Variants in RAC2 observed in about 807,000 individuals in gnomAD.
RAC2 encodes the protein ras-related C3 botulinum toxin substrate 2.
Under a neutral mutation model 24.0 loss-of-function variants are expected in RAC2, and 1 was observed. The ratio of observed to expected loss-of-function variants is 0.04; its 90% confidence interval spans 0.01 to 0.20. The LOEUF is 0.20. Ranked by LOEUF, RAC2 falls within the 10% of genes least tolerant of loss-of-function variation. RAC2 has a pLI of 1.00. For synonymous variants in RAC2, 114 were observed against 106.8 expected (o/e 1.07, Z -0.41); for missense variants, 130 against 259.1 (o/e 0.50, Z 3.42).
At chr22:37,226,850 G>GTGC (rs763809527) in intron 5 of RAC2, 47 bp from the exon 6 acceptor site, 218,867 of 1,597,650 alleles carry the variant, frequency 0.14, 16,574 homozygotes, top group East Asian at 0.28. Flanking sequence ...GTGGCGGGGG[G>GTGC]GGTTCTGGGC....
At chr22:37,241,268 C>T (rs115719337) in intron 2 of RAC2, 125 of 698,202 alleles carry the variant, frequency 1.8e-4, no homozygotes, top group Admixed American at 7.5e-4. Context: ...AGCCTGCTTC[C>T]GCAGAAGCTC....
At chr22:37,229,696 C>T (rs1256339922) in intron 5 of RAC2, among the ~76,000 whole-genome samples, 4 of 152,224 alleles carry the variant, frequency 2.6e-5, no homozygotes, top group Admixed American at 2.0e-4. Flanking sequence ...CCTGCCCCAG[C>T]TCCATGCAGG....
At chr22:37,236,754 C>T (rs1471499577) in intron 2 of RAC2, among the ~76,000 whole-genome samples, 1 of 152,136 alleles carries the variant, frequency 6.6e-6, no homozygotes, top group Non-Finnish European at 1.5e-5. Context: ...CCAGAGACCA[C>T]AGGGCACGCA....
At chr22:37,232,717 G>A (rs2035893728) in intron 3 of RAC2, 84 bp downstream of exon 3, 2 of 1,199,676 alleles carry the variant, frequency 1.7e-6, no homozygotes, top group East Asian at 2.4e-5. Flanking sequence ...GGTTTCCCAG[G>A]CTGAGCTGGC....
chr22:37,242,831 C>A (rs920873401), intron 1 of RAC2, among the ~76,000 whole-genome samples: 7 of 152,248 alleles, frequency 4.6e-5, no homozygotes, highest in East Asian at 3.9e-4. Flanking sequence ...AGGGCCCAGG[C>A]CAGGAGAGCT....
At chr22:37,236,543 G>C (rs1218699040) in intron 2 of RAC2, among the ~76,000 whole-genome samples, 6 of 152,218 alleles carry the variant, frequency 3.9e-5, no homozygotes, top group Admixed American at 3.9e-4. Flanking sequence ...GGTAAGCATC[G>C]CTGCTATTTC....
At position 37,231,809 on chromosome 22, in the gene RAC2, T is replaced by C; in HGVS notation, c.288+123A>G. On this transcript the variant is annotated intron_variant, in intron 4 of 6. Transcript: ENST00000249071. This position sits in a 1 kb window ranked among gnomAD's most constrained non-coding sequence, Gnocchi z 5.5. ...TCCCTCTGCCAGCCCTGGTTGGCAC[T>C]GGGGACCCTCTCTGTATGCGACCTC... 1 of 1,179,438 alleles carries C rather than the reference T, an allele frequency of 8.5e-7. No individual in the cohort carries two copies. 73.1% of individuals were successfully genotyped at this position (1,179,438 alleles called of 1,614,324 possible).
At chr22:37,241,120 A>T (rs1927376202) in intron 2 of RAC2, 1 of 778,132 alleles carries the variant, frequency 1.3e-6, no homozygotes, top group South Asian at 1.3e-5. Context: ...ACGTCCGATG[A>T]CAGCCCTGCC....
rs1927044770 is a variant in RAC2, at chr22:37,231,075, C to T, written c.448+156G>A. On this transcript the variant is annotated intron_variant, in intron 5 of 6. Coordinates refer to ENST00000249071, the MANE Select transcript of RAC2 (RefSeq NM_002872.5). The surrounding 1 kb of genome is among the most constrained non-coding windows in gnomAD (Gnocchi z 5.5). ...ATAAGGAAACACAGGCAGAGAGAGG[C>T]TACGTGACTCGCCCAAGGTCACACA... Among the ~76,000 whole-genome samples the T allele has an allele frequency of 6.6e-6, 1 of 152,182 alleles. No individual in the cohort carries two copies.
chr22:37,238,061 C>T (rs1386236328), intron 2 of RAC2, among the ~76,000 whole-genome samples: 3 of 151,742 alleles, frequency 2.0e-5, no homozygotes, highest in African/African-American at 7.3e-5. Context: ...AGGCAGAGAT[C>T]ATCAAGGCAG....
Position 37,244,197 on chromosome 22 carries a change from G to T in RAC2, c.-49C>A. The stretch of plus-strand genomic sequence containing the variant: ...CGGTGGTGACAGCTCAGGGCCAGGC[G>T]CGTTTCTGCGGGCGCAAGGGGTGTG... On this transcript the variant is annotated 5_prime_UTR_variant, in exon 1 of 7. Transcript: ENST00000249071. 1 of 1,607,938 alleles carries T rather than the reference G, an allele frequency of 6.2e-7. No individual in the cohort carries two copies. Among genetic ancestry groups the T allele is most frequent in the East Asian group, 2.2e-5 (1 of 44,456 alleles).
At chr22:37,232,561 G>A (rs1927098732) in intron 3 of RAC2, 1 of 557,856 alleles carries the variant, frequency 1.8e-6, no homozygotes, top group Non-Finnish European at 3.2e-6. Context: ...GGGTGCCAGA[G>A]CCCAGGAGGC....
intron 2 of RAC2, among the ~76,000 whole-genome samples, chr22:37,240,210 TC>T (rs1363575682): frequency 2.6e-5 from 4 of 152,166 alleles, no homozygotes; most frequent in Non-Finnish European, 5.9e-5. Context: ...GCATCTCGGC[TC>T]CAGGCTCTCT....
intron 2 of RAC2, among the ~76,000 whole-genome samples, chr22:37,234,666 A>G (rs540289569): frequency 8.6e-5 from 13 of 151,426 alleles, no homozygotes; most frequent in African/African-American, 3.2e-4. Context: ...CACACTGCCC[A>G]CCTCCCTGTG....
intron 2 of RAC2, chr22:37,241,095 C>T (rs1927374648): frequency 5.2e-6 from 4 of 770,446 alleles, no homozygotes; most frequent in Non-Finnish European, 9.7e-6. Context: ...AGTCTGACAC[C>T]AACACGCTCC....
chr22:37,238,471 C>T (rs746407421), intron 2 of RAC2, among the ~76,000 whole-genome samples: 2 of 152,298 alleles, frequency 1.3e-5, no homozygotes, highest in South Asian at 2.1e-4. Flanking sequence ...AACTCATGGG[C>T]TCAAGCGATC....
intron 3 of RAC2, among the ~76,000 whole-genome samples, chr22:37,232,207 G>A (rs559060554): frequency 1.3e-5 from 2 of 152,330 alleles, no homozygotes; most frequent in East Asian, 1.9e-4. Context: ...GGGCCTCTGC[G>A]AAGTGGTTAT....
At chr22:37,232,028 A>T in intron 3 of RAC2, 34 bp from the exon 4 acceptor site, 1 of 1,549,094 alleles carries the variant, frequency 6.5e-7, no homozygotes, top group African/African-American at 1.4e-5. Flanking sequence ...GCTAGTGAGG[A>T]GGGCCCAGAG....
intron 1 of RAC2, 115 bp downstream of exon 1, chr22:37,243,999 G>T: frequency 7.1e-7 from 1 of 1,411,742 alleles, no homozygotes; most frequent in Non-Finnish European, 1.0e-6. Flanking sequence ...CCTCCAAGCT[G>T]CCTTCCAGGG....
Sources: gnomAD v4.1 joint callset for allele counts (sites outside exome capture counted in the v4.1 genomes callset) on GRCh38, gnomAD v4.1.1 for gene constraint, Gnocchi (gnomAD v3.1) non-coding constraint, MANE v1.5 for transcripts, NCBI Gene and HGNC (gene_info 2026-07-23, HGNC 2026-07-21) for gene names.